The following KCNV1 variants were observed in gnomAD, a reference collection of about 807,000 sequenced individuals.
The protein encoded by KCNV1 is potassium voltage-gated channel subfamily V member 1.
A neutral mutation model predicts 36.4 loss-of-function variants in KCNV1; 2 were observed. That is an observed-to-expected ratio of 0.05 (90% CI 0.02 to 0.17). KCNV1 has a LOEUF of 0.17. Among genes scored for constraint, KCNV1 ranks in the 10% least tolerant of loss-of-function variants. The pLI is 1.00. For missense variants in KCNV1, 321 were observed against 643.6 expected (o/e 0.50, Z 5.42); for synonymous variants, 280 against 261.1 (o/e 1.07, Z -0.70).
chr8:109,972,239 A>C lies in KCNV1; in HGVS notation c.991+19T>G. 1.9e-6 allele frequency: 3 copies of C among 1,550,418 alleles called. No individual in the cohort carries two copies. Among genetic ancestry groups the C allele is most frequent in the Non-Finnish European group, 1.7e-6 (2 of 1,150,732 alleles). On this transcript the variant is annotated intron_variant, in intron 3 of 3. Coordinates refer to ENST00000524391, the MANE Select transcript of KCNV1 (RefSeq NM_014379.4). The surrounding 1 kb of genome is among the most constrained non-coding windows in gnomAD (Gnocchi z 5.2). ...TACATGCAATGGCAAATTAAAAGGCATCAGTGAAATGTGAATACCTGTGGA... is the reference window on the plus strand; with the variant it reads ...TACATGCAATGGCAAATTAAAAGGCCTCAGTGAAATGTGAATACCTGTGGA...
In KCNV1 at chr8:109,965,957, T is replaced by A. The variant is rs1222814310; in HGVS notation, c.*2131A>T. The A allele has an allele frequency of 6.6e-6, 1 of 152,238 alleles. No homozygotes were observed. The highest frequency in any genetic ancestry group is 1.5e-5 in the Non-Finnish European group (1 of 68,050). 9.4% of individuals were successfully genotyped at this position (152,238 alleles called of 1,614,324 possible). On this transcript the variant is annotated 3_prime_UTR_variant, in exon 4 of 4. Transcript: ENST00000524391. ...TTAGGCAAGTTTATACCTTTTAATG[T>A]TTCAGTTTCGCTGTCTTTTCCTCAC...
At chr8:109,973,222 T>C (rs1460280502) in intron 2 of KCNV1, among the ~76,000 whole-genome samples, 2 of 152,174 alleles carry the variant, frequency 1.3e-5, no homozygotes, top group African/African-American at 4.8e-5. Flanking sequence ...CCTCAAGTGA[T>C]CCACCCGCCT....
Position 109,972,801 on chromosome 8 carries a change from C to T in KCNV1, c.462-14G>A. 1 of 1,559,742 alleles carries T rather than the reference C, an allele frequency of 6.4e-7. No homozygotes were observed. The highest frequency in any genetic ancestry group is 2.2e-5 in the East Asian group (1 of 44,462). On this transcript the variant is annotated splice_polypyrimidine_tract_variant and intron_variant, in intron 2 of 3. Transcript: ENST00000524391. The surrounding 1 kb of genome is among the most constrained non-coding windows in gnomAD (Gnocchi z 5.2). ...CTTCTGAAGTATCTTTTAGAGAAAA[C>T]AATTTGGTGATTAGTCTAACTTTAT... is the stretch of plus-strand genomic sequence containing the variant.
In KCNV1 at chr8:109,974,749, A is replaced by T; in HGVS notation, c.-361T>A. 1 of 288,710 alleles carries T rather than the reference A, an allele frequency of 3.5e-6. No homozygotes were observed. Among genetic ancestry groups the T allele is most frequent in the Non-Finnish European group, 6.5e-6 (1 of 153,738 alleles). The allele number at this position is 288,710 out of a possible 1,614,324, so 17.9% of individuals were successfully genotyped here. On this transcript the variant is annotated 5_prime_UTR_variant, in exon 2 of 4. In the 5' UTR this introduces an upstream ATG that the reference lacks. Coordinates refer to ENST00000524391, the MANE Select transcript of KCNV1 (RefSeq NM_014379.4). The surrounding 1 kb of genome is among the most constrained non-coding windows in gnomAD (Gnocchi z 6.2). ...TGTCACCCCGCCTCCCAACTTCGCA[A>T]TTGCGATTCCCAGCCCAGGAGGTGT...
rs1819927925 is a variant in KCNV1, at chr8:109,964,944, A to G, written c.*3144T>C. The G allele has an allele frequency of 6.6e-6, 1 of 152,254 alleles. No homozygotes were observed. Among genetic ancestry groups the G allele is most frequent in the Non-Finnish European group, 1.5e-5 (1 of 68,046 alleles). The allele number at this position is 152,254 out of a possible 1,614,324, so 9.4% of individuals were successfully genotyped here. ...CCGTGCAAAAAAACTCTCATGACAC[A>G]AGATTACCTGTATAACAAACCCGCA... On this transcript the variant is annotated 3_prime_UTR_variant, in exon 4 of 4. Coordinates refer to ENST00000524391, the MANE Select transcript of KCNV1 (RefSeq NM_014379.4).
In KCNV1 at chr8:109,968,381, T is replaced by G; in HGVS notation, c.1210A>C (p.Thr404Pro). The change falls in exon 4 of 4, where the codon ACA becomes CCA. Residue 404 changes from threonine to proline, a missense_variant. Coordinates refer to ENST00000524391, the MANE Select transcript of KCNV1 (RefSeq NM_014379.4). The surrounding 1 kb of genome is among the most constrained non-coding windows in gnomAD (Gnocchi z 5.3). ...GYGDIRPDTTTGKIVAFMCIL... is the reference protein window; with the variant it reads ...GYGDIRPDTTPGKIVAFMCIL... ...CACATGAAGGCCACGATTTTGCCTG[T>G]GGTGGTGTCTGGTCTAATGTCCCCA... 1 of 1,614,220 alleles carries G rather than the reference T, an allele frequency of 6.2e-7. No homozygotes were observed. Among genetic ancestry groups the G allele is most frequent in the Non-Finnish European group, 8.5e-7 (1 of 1,180,040 alleles).
chr8:109,968,280 G>A lies in KCNV1; in HGVS notation c.1311C>T (p.Thr437=), dbSNP rs377331545. 6.2e-7 allele frequency: 1 copy of A among 1,614,014 alleles called. No individual in the cohort carries two copies. Among genetic ancestry groups the A allele is most frequent in the African/African-American group, 1.3e-5 (1 of 74,912 alleles). Residue 437 remains threonine (T), a synonymous_variant, in exon 4 of 4, where the codon ACC becomes ACT. Transcript: ENST00000524391. The surrounding 1 kb of genome is among the most constrained non-coding windows in gnomAD (Gnocchi z 5.3). ...INDRFSACYF[T]LKLKEAAVRQ... ...TAACAGCTGCTTCCTTGAGTTTCAA[G>A]GTGAAGTAGCAAGCAGAGAAGCGAT... is the stretch of plus-strand genomic sequence containing the variant.
chr8:109,970,483 G>A (rs1819996864), intron 3 of KCNV1, among the ~76,000 whole-genome samples: 1 of 152,138 alleles, frequency 6.6e-6, no homozygotes, highest in Admixed American at 6.5e-5. Flanking sequence ...ATACAGACGA[G>A]GAGGCTGAGG....
rs1391977145 is a variant in KCNV1, at chr8:109,967,291, A to G, written c.*797T>C. On this transcript the variant is annotated 3_prime_UTR_variant, in exon 4 of 4. Transcript: ENST00000524391. ...TTTACATATTCATTATTTTAAAGCC[A>G]TAATGTGAACAATACATCCATAAAG... 6.6e-6 allele frequency: 1 copy of G among 152,202 alleles called. No individual in the cohort carries two copies. Among genetic ancestry groups the G allele is most frequent in the Non-Finnish European group, 1.5e-5 (1 of 68,024 alleles). 9.4% of individuals were successfully genotyped at this position (152,202 alleles called of 1,614,324 possible).
At chr8:109,973,227 C>T (rs902559351) in intron 2 of KCNV1, among the ~76,000 whole-genome samples, 54 of 152,148 alleles carry the variant, frequency 3.5e-4, no homozygotes, top group African/African-American at 1.3e-3. Context: ...AGTGATCCAC[C>T]CGCCTCGGCC....
intron 3 of KCNV1, among the ~76,000 whole-genome samples, chr8:109,970,398 G>C (rs1171359150): frequency 1.3e-5 from 2 of 152,130 alleles, no homozygotes; most frequent in African/African-American, 2.4e-5. Flanking sequence ...GGAATTTCTA[G>C]CATGTTATCT....
At chr8:109,970,355 C>A (rs1819995201) in intron 3 of KCNV1, among the ~76,000 whole-genome samples, 1 of 152,024 alleles carries the variant, frequency 6.6e-6, no homozygotes. Context: ...GCAAAATGTT[C>A]AAAACAATTT....
rs1458883589 is a variant in KCNV1, at chr8:109,972,456, G to A, written c.793C>T (p.Arg265Trp). The change falls in exon 3 of 4, where the codon CGG becomes TGG. Residue 265 changes from arginine to tryptophan, a missense_variant. Physicochemically the swap from Arg to Trp is moderately radical, Grantham distance 101. This residue lies in a region of KCNV1 where 141 missense variants were observed against 225.0 expected (regional missense o/e 0.63). Coordinates refer to ENST00000524391, the MANE Select transcript of KCNV1 (RefSeq NM_014379.4). The surrounding 1 kb of genome is among the most constrained non-coding windows in gnomAD (Gnocchi z 5.2). ...TTTCTTAGGAAGCGACACCTGTCCC[G>A]CACACACAGGAAGCGGAGGACAAAC... The part of the protein sequence containing the change: ...GEFVLRFLCV[R>W]DRCRFLRKVP... 1.9e-6 allele frequency: 3 copies of A among 1,613,982 alleles called. No individual in the cohort carries two copies. Among genetic ancestry groups the A allele is most frequent in the East Asian group, 4.5e-5 (2 of 44,888 alleles).
rs145083657 is a variant in KCNV1, at chr8:109,974,665, G to C, written c.-277C>G. The C allele has an allele frequency of 9.5e-5, 49 of 514,820 alleles. No homozygotes were observed. The East Asian group carries it at 1.6e-3, about 17-fold the overall frequency. 31.9% of individuals were successfully genotyped at this position (514,820 alleles called of 1,614,324 possible). ...GCGCTAAGAGAGAGGATCAGGTGAG[G>C]TCCAAGCCCGACACAGTCCCTGTGC... On this transcript the variant is annotated 5_prime_UTR_variant, in exon 2 of 4. Transcript: ENST00000524391. The surrounding 1 kb of genome is among the most constrained non-coding windows in gnomAD (Gnocchi z 6.2).
At chr8:109,970,598 A>C (rs1819998283) in intron 3 of KCNV1, among the ~76,000 whole-genome samples, 1 of 152,194 alleles carries the variant, frequency 6.6e-6, no homozygotes, top group African/African-American at 2.4e-5. Flanking sequence ...TTGAATTTAT[A>C]ATTAATACAT....
Position 109,975,117 on chromosome 8 carries a change from C to G in KCNV1, c.-729G>C, listed in dbSNP as rs1820066055. The stretch of plus-strand genomic sequence containing the variant: ...GGTGAGGGGGCCGCACCATTTTCTC[C>G]CAATTCACTCTCATTCTAGTCTGAT... On this transcript the variant is annotated 5_prime_UTR_variant, in exon 2 of 4. Coordinates refer to ENST00000524391, the MANE Select transcript of KCNV1 (RefSeq NM_014379.4). The G allele has an allele frequency of 6.6e-6, 1 of 152,150 alleles. No individual in the cohort carries two copies. The highest frequency in any genetic ancestry group is 6.6e-5 in the Admixed American group (1 of 15,262). The allele number at this position is 152,150 out of a possible 1,614,324, so 9.4% of individuals were successfully genotyped here.
At position 109,968,006 on chromosome 8, in the gene KCNV1, C is replaced by T. The variant is rs757536789; in HGVS notation, c.*82G>A. Reference sequence around the variant, plus strand: ...TGAGCAGTACTCTGAAGAGACTCATCATCAGAATACAGAAATCCACATCAC... The same window carrying T: ...TGAGCAGTACTCTGAAGAGACTCATTATCAGAATACAGAAATCCACATCAC... On this transcript the variant is annotated 3_prime_UTR_variant, in exon 4 of 4. Coordinates refer to ENST00000524391, the MANE Select transcript of KCNV1 (RefSeq NM_014379.4). This position sits in a 1 kb window ranked among gnomAD's most constrained non-coding sequence, Gnocchi z 5.3. 1.5e-6 allele frequency: 2 copies of T among 1,357,312 alleles called. No individual in the cohort carries two copies. Among genetic ancestry groups the T allele is most frequent in the Non-Finnish European group, 2.0e-6 (2 of 994,696 alleles). The allele number at this position is 1,357,312 out of a possible 1,614,324, so 84.1% of individuals were successfully genotyped here.
intron 3 of KCNV1, among the ~76,000 whole-genome samples, chr8:109,969,781 G>A (rs1413611057): frequency 6.6e-6 from 1 of 151,220 alleles, no homozygotes; most frequent in African/African-American, 2.4e-5. Flanking sequence ...GGAGGCGAAG[G>A]TTGCAGTGAG....
rs1819975693 is a variant in KCNV1 at position 109,968,904 on chromosome 8, G to GGCA, written c.992-308_992-306dup. 1.3e-5 allele frequency among the ~76,000 whole-genome samples: 2 copies of GGCA among 152,194 alleles called. No individual in the cohort carries two copies. The highest frequency in any genetic ancestry group is 2.9e-5 in the Non-Finnish European group (2 of 68,036). ...AAAGAAGGCGAGAGGTAAGACTGAAGGCAGGCAGGGGTGGTATGATAGGAG... is the reference window on the plus strand; with the variant it reads ...AAAGAAGGCGAGAGGTAAGACTGAAGGCAGCAGGCAGGGGTGGTATGATAGGAG... On this transcript the variant is annotated intron_variant, in intron 3 of 3. Transcript: ENST00000524391. This position sits in a 1 kb window ranked among gnomAD's most constrained non-coding sequence, Gnocchi z 5.3.
Sources: gnomAD v4.1 joint callset for allele counts (sites outside exome capture counted in the v4.1 genomes callset) on GRCh38, gnomAD v4.1.1 for gene constraint, gnomAD v4.1.1 regional missense constraint, Gnocchi (gnomAD v3.1) non-coding constraint, MANE v1.5 for transcripts, NCBI Gene and HGNC (gene_info 2026-07-23, HGNC 2026-07-21) for gene names.